The following CEP63 variants were observed in gnomAD, a reference collection of about 807,000 sequenced individuals.
CEP63 encodes the protein centrosomal protein of 63 kDa.
CEP63 carries 84 observed loss-of-function variants against 89.1 expected under a neutral mutation model. That is an observed-to-expected ratio of 0.94 (90% confidence interval 0.79 to 1.13). CEP63 has a LOEUF of 1.13. CEP63 is among the 50% of genes most tolerant of loss of function. The pLI is 0.00. For synonymous variants in CEP63, 267 were observed against 272.5 expected (o/e 0.98, Z 0.20); for missense variants, 838 against 813.3 (o/e 1.03, Z -0.37).
At chr3:134,574,863 G>A (rs747561212) in exon 12 of CEP63, 108 of 583,970 alleles carry the variant, frequency 1.8e-4, no homozygotes, top group Non-Finnish European at 3.1e-4. Flanking sequence ...CAGCCTCAGC[G>A]TCCCAAAGTG....
chr3:134,734,112 A>C, the CEP63 span, among the ~76,000 whole-genome samples: 1 of 152,332 alleles, frequency 6.6e-6, no homozygotes, highest in African/African-American at 2.4e-5. Flanking sequence ...AAGGCTCAGC[A>C]ATCACACTCC....
chr3:134,644,354 G>A, the CEP63 span, among the ~76,000 whole-genome samples: 1 of 152,330 alleles, frequency 6.6e-6, no homozygotes, highest in African/African-American at 2.4e-5. Context: ...CCTGCCATAG[G>A]CCAAGAAGCG....
At chr3:134,754,744 A>G in the CEP63 span, among the ~76,000 whole-genome samples, 1 of 152,056 alleles carries the variant, frequency 6.6e-6, no homozygotes, top group African/African-American at 2.4e-5. Context: ...CCAGCACCCA[A>G]ATGTATGCCA....
chr3:134,740,376 C>T, the CEP63 span, among the ~76,000 whole-genome samples: 1 of 151,960 alleles, frequency 6.6e-6, no homozygotes, highest in Non-Finnish European at 1.5e-5. Flanking sequence ...CAGCTCACTG[C>T]AAGCTCCGCT....
chr3:134,577,671 G>C (rs11919458), downstream of CEP63, among the ~76,000 whole-genome samples: 47,705 of 151,594 alleles, frequency 0.31, 7,746 homozygotes, highest in African/African-American at 0.35. Context: ...TGTTACACAG[G>C]TATACATGTG....
the CEP63 span, among the ~76,000 whole-genome samples, chr3:134,655,827 C>A: frequency 2.0e-4 from 31 of 152,138 alleles, no homozygotes; most frequent in Non-Finnish European, 4.1e-4. Flanking sequence ...GAGCTCAAGC[C>A]CTGAGCTGGG....
chr3:134,761,755 C>CA, the CEP63 span, among the ~76,000 whole-genome samples: 19,937 of 152,034 alleles, frequency 0.13, 1,408 homozygotes, highest in Middle Eastern at 0.18. Context: ...CTCTCTCCCC[C>CA]CTGAATGTCA....
the CEP63 span, among the ~76,000 whole-genome samples, chr3:134,709,881 A>C: frequency 6.6e-6 from 1 of 152,240 alleles, no homozygotes; most frequent in Non-Finnish European, 1.5e-5. Flanking sequence ...GTGATCCGTT[A>C]ATGGCAGAAA....
chr3:134,738,615 G>C, the CEP63 span, among the ~76,000 whole-genome samples: 68 of 152,090 alleles, frequency 4.5e-4, no homozygotes, highest in African/African-American at 1.6e-3. Context: ...TGGGGACTTG[G>C]GGGGACAAAT....
At chr3:134,761,415 G>T in the CEP63 span, among the ~76,000 whole-genome samples, 1 of 152,240 alleles carries the variant, frequency 6.6e-6, no homozygotes, top group Non-Finnish European at 1.5e-5. Flanking sequence ...CATGCGTGGA[G>T]CCCCGGACAC....
chr3:134,550,226 T>C lies in CEP63; in HGVS notation c.1346T>C (p.Met449Thr). Reference sequence around the variant, plus strand: ...ATGGAAAAGCGACTCAGAGCAGAGATGCAAAAGGCAGAAGACAAAGCAGTA... The same window carrying C: ...ATGGAAAAGCGACTCAGAGCAGAGACGCAAAAGGCAGAAGACAAAGCAGTA... ...SDMEKRLRAE[M>T]QKAEDKAVEH... The change falls in exon 11 of 15, where the codon ATG (methionine) becomes ACG (threonine). Residue 449 changes from methionine (M) to threonine (T), a missense_variant. Met to Thr is a moderately conservative substitution (Grantham distance 81). Coordinates refer to ENST00000675561, the MANE Select transcript of CEP63 (RefSeq NM_001353108.3). 1 of 1,614,152 alleles carries C rather than the reference T, an allele frequency of 6.2e-7. No homozygotes were observed. Among genetic ancestry groups the C allele is most frequent in the Non-Finnish European group, 8.5e-7 (1 of 1,180,008 alleles).
At chr3:134,536,912 G>A (rs77536510) in intron 5 of CEP63, 203 of 476,834 alleles carry the variant, frequency 4.3e-4, no homozygotes, top group African/African-American at 2.6e-3. Context: ...TAACATCTGC[G>A]TGTCATACTC....
At chr3:134,521,301 A>G (rs1053212488) in intron 3 of CEP63, among the ~76,000 whole-genome samples, 2 of 152,188 alleles carry the variant, frequency 1.3e-5, no homozygotes, top group Non-Finnish European at 2.9e-5. Context: ...ACAGCTCAGT[A>G]TTTTATCAAA....
the CEP63 span, among the ~76,000 whole-genome samples, chr3:134,636,330 C>T: frequency 1.3e-5 from 2 of 152,178 alleles, no homozygotes; most frequent in African/African-American, 4.8e-5. Context: ...GCAATTCCTC[C>T]CAATGAGAGG....
the CEP63 span, among the ~76,000 whole-genome samples, chr3:134,637,026 T>G: frequency 1.3e-5 from 2 of 152,226 alleles, no homozygotes; most frequent in African/African-American, 4.8e-5. Context: ...CTGTCTTTTT[T>G]GTGTAGCTCA....
intron 1 of CEP63, among the ~76,000 whole-genome samples, chr3:134,491,325 T>G (rs1255316188): frequency 1.3e-5 from 2 of 152,222 alleles, no homozygotes; most frequent in Non-Finnish European, 2.9e-5. Flanking sequence ...ATGAGCAAGG[T>G]TGAACATCTT....
intron 2 of CEP63, among the ~76,000 whole-genome samples, chr3:134,505,438 A>G (rs1255304971): frequency 1.3e-5 from 2 of 152,192 alleles, no homozygotes; most frequent in African/African-American, 4.8e-5. Flanking sequence ...AGTGGAGGCT[A>G]TAGCAAGGCT....
At chr3:134,613,858 T>C in the CEP63 span, among the ~76,000 whole-genome samples, 2 of 152,306 alleles carry the variant, frequency 1.3e-5, no homozygotes, top group African/African-American at 4.8e-5. Context: ...GAGTTTTGTC[T>C]CCAGCCACTC....
chr3:134,689,393 A>C, the CEP63 span, among the ~76,000 whole-genome samples: 3 of 152,184 alleles, frequency 2.0e-5, no homozygotes, highest in African/African-American at 4.8e-5. Flanking sequence ...GTGGAGTCCA[A>C]AAACAGAGCT....
Sources: gnomAD v4.1 joint callset for allele counts (sites outside exome capture counted in the v4.1 genomes callset) on GRCh38, gnomAD v4.1.1 for gene constraint, MANE v1.5 for transcripts, NCBI Gene and HGNC (gene_info 2026-07-23, HGNC 2026-07-21) for gene names.